Variants in PSG11 observed in about 807,000 individuals in gnomAD.
PSG11 encodes the protein pregnancy specific beta-1-glycoprotein 11, also known as pregnancy-specific beta-1-glycoprotein 11.
In PSG11, 42 loss-of-function variants were observed where a neutral mutation model predicts 36.0. The ratio of observed to expected loss-of-function variants is 1.17; its 90% CI spans 0.91 to 1.51. PSG11 has a LOEUF of 1.51. Among genes scored for constraint, PSG11 ranks in the 40% most tolerant of loss-of-function variants. PSG11 has a pLI of 0.00. For missense variants in PSG11, 558 were observed against 403.5 expected (o/e 1.38, Z -3.28); for synonymous variants, 206 against 153.5 (o/e 1.34, Z -2.53).
rs771032810 is a variant in PSG11 at position 43,024,932 on chromosome 19, A to G, written c.189T>C (p.Thr63=). The part of the protein sequence containing the change: ...LLVHNLPQNL[T]GYIWYKGQIR... ...TTTGCCCTTTGTACCAGATGTAGCC[A>G]GTAAGATTCTGGGGCAAATTGTGGA... The change falls in exon 2 of 6, where the codon ACT becomes ACC. Residue 63 remains threonine, a synonymous_variant. Transcript: ENST00000320078. 29 of 1,611,610 alleles carry G rather than the reference A, an allele frequency of 1.8e-5. 1 individual carries two copies. The highest frequency in any genetic ancestry group is 1.4e-5 in the Non-Finnish European group (17 of 1,179,068).
chr19:43,008,558 G>A (rs879470667), intron 5 of PSG11, among the ~76,000 whole-genome samples: 5 of 151,294 alleles, frequency 3.3e-5, no homozygotes, highest in Non-Finnish European at 5.9e-5. Context: ...TTACAGGCAT[G>A]AGCCATCGCA....
At chr19:43,009,743 G>T (rs965501106) in intron 5 of PSG11, among the ~76,000 whole-genome samples, 1 of 151,312 alleles carries the variant, frequency 6.6e-6, no homozygotes, top group Non-Finnish European at 1.5e-5. Flanking sequence ...AAACAAATGA[G>T]CAGAGGCTGG....
chr19:43,011,046 G>T (rs956472073), intron 4 of PSG11, among the ~76,000 whole-genome samples: 3 of 150,982 alleles, frequency 2.0e-5, no homozygotes, highest in East Asian at 1.9e-4. Flanking sequence ...CCAATGAAAA[G>T]ACAGAAGCTT....
At chr19:43,018,517 G>T (rs2047785320) in intron 3 of PSG11, 2 of 869,246 alleles carry the variant, frequency 2.3e-6, no homozygotes, top group Middle Eastern at 3.6e-4. Flanking sequence ...TCTGGAGCCT[G>T]AGACATTCAC....
chr19:43,011,373 A>G (rs1228721363), intron 4 of PSG11, among the ~76,000 whole-genome samples: 3 of 151,310 alleles, frequency 2.0e-5, no homozygotes, highest in African/African-American at 4.9e-5. Context: ...ACCTACTTTA[A>G]CACTTCAGGA....
At chr19:43,016,410 T>C (rs1462215299) in intron 3 of PSG11, among the ~76,000 whole-genome samples, 1 of 151,142 alleles carries the variant, frequency 6.6e-6, no homozygotes, top group African/African-American at 2.4e-5. Flanking sequence ...CTGGGCCCCT[T>C]CCAAATTCCA....
chr19:43,016,119 T>C (rs1445523215), intron 3 of PSG11: 3 of 1,536,756 alleles, frequency 2.0e-6, no homozygotes, highest in African/African-American at 2.8e-5. Context: ...TCAATCAGAG[T>C]TGGCATCTCC....
At chr19:43,026,174 C>G in intron 1 of PSG11, 135 bp downstream of exon 1, 1 of 1,368,840 alleles carries the variant, frequency 7.3e-7, no homozygotes, top group East Asian at 2.5e-5. Context: ...AACTCCTGAT[C>G]TCGTGATCCA....
At chr19:43,015,441 G>C (rs191466923) in intron 3 of PSG11, 71 bp from the exon 4 acceptor site, 2 of 1,514,518 alleles carry the variant, frequency 1.3e-6, no homozygotes, top group Non-Finnish European at 1.8e-6. Context: ...CTCTTAAAGG[G>C]ACACAGTGAC....
chr19:43,019,122 T>C, intron 2 of PSG11, 74 bp from the exon 3 acceptor site: 5 of 1,567,132 alleles, frequency 3.2e-6, no homozygotes, highest in Non-Finnish European at 4.3e-6. Context: ...TCAATCAGAA[T>C]TGGCATTTGC....
chr19:43,021,503 C>T (rs1172904854), intron 2 of PSG11, among the ~76,000 whole-genome samples: 1 of 151,286 alleles, frequency 6.6e-6, no homozygotes. Flanking sequence ...AGGTGCCCAC[C>T]ACCATGCCCA....
intron 2 of PSG11, among the ~76,000 whole-genome samples, chr19:43,023,242 C>T (rs1005299212): frequency 6.7e-5 from 10 of 150,310 alleles, no homozygotes; most frequent in African/African-American, 2.5e-4. Flanking sequence ...GCTAGAACCT[C>T]CTAGGATTCT....
At chr19:43,011,652 C>A (rs1427535226) in intron 4 of PSG11, among the ~76,000 whole-genome samples, 3 of 151,124 alleles carry the variant, frequency 2.0e-5, no homozygotes, top group Non-Finnish European at 4.4e-5. Context: ...TTTGGGAGGT[C>A]ACAGCAGAAG....
intron 5 of PSG11, among the ~76,000 whole-genome samples, chr19:43,008,348 C>A (rs1973982204): frequency 6.6e-6 from 1 of 151,286 alleles, no homozygotes. Flanking sequence ...TCTCAGTTCA[C>A]TGCAAGCTCT....
rs571085180 is a variant in PSG11 at position 43,025,884 on chromosome 19, C to T, written c.64+425G>A. 4.1e-5 allele frequency among the ~76,000 whole-genome samples: 6 copies of T among 148,012 alleles called. No individual in the cohort carries two copies. In the South Asian group the frequency reaches 1.3e-3, roughly 32 times the overall value. The stretch of plus-strand genomic sequence containing the variant: ...CCCCTGTCCCTCTTGGGTGTATTTT[C>T]CCCTATCCAGGCATCAACAGGGCCT... On this transcript the variant is annotated intron_variant, in intron 1 of 5. Coordinates refer to ENST00000320078, the MANE Select transcript of PSG11 (RefSeq NM_002785.3).
intron 4 of PSG11, 80 bp from the exon 5 acceptor site, chr19:43,010,121 A>C (rs1048271243): frequency 4.5e-6 from 7 of 1,541,630 alleles, no homozygotes; most frequent in Non-Finnish European, 6.2e-6. Context: ...AGCATGTAAC[A>C]TGAGATACTG....
At position 43,020,374 on chromosome 19, in the gene PSG11, A is replaced by G. The variant is rs180829396; in HGVS notation, c.431-1326T>C. ...CATCACATCAGTGGTCAGAAGTGTA[A>G]AGTTTTGGAGCATTTCAGATTGTGG... On this transcript the variant is annotated intron_variant, in intron 2 of 5. Coordinates refer to ENST00000320078, the MANE Select transcript of PSG11 (RefSeq NM_002785.3). Among the ~76,000 whole-genome samples, 209 of 151,410 alleles carry G rather than the reference A, an allele frequency of 1.4e-3. 5 individuals carry two copies. The highest frequency in any genetic ancestry group is 4.8e-3 in the African/African-American group (198 of 41,096).
In PSG11 at chr19:43,015,279, T is replaced by A. The variant is rs773767591; in HGVS notation, c.801A>T (p.Pro267=). 2 of 1,611,188 alleles carry A rather than the reference T, an allele frequency of 1.2e-6. No individual in the cohort carries two copies. Among genetic ancestry groups the A allele is most frequent in the African/African-American group, 1.3e-5 (1 of 74,460 alleles). ...TAATTGTCCAAGAATACTGTGCTGGTGGGTTAGAGTTTGCGAAGCAGGACA... is the reference window on the plus strand; with the variant it reads ...TAATTGTCCAAGAATACTGTGCTGGAGGGTTAGAGTTTGCGAAGCAGGACA... ...LDLSCFANSN[P]PAQYSWTING... The change falls in exon 4 of 6, where the codon CCA becomes CCT. Residue 267 remains proline (P), a synonymous_variant. Transcript: ENST00000320078.
intron 4 of PSG11, chr19:43,014,146 A>C (rs1238172942): frequency 1.1e-5 from 2 of 177,908 alleles, no homozygotes; most frequent in Non-Finnish European, 2.2e-5. Flanking sequence ...TATTGGGTAC[A>C]GAGGTTTAAT....
Sources: gnomAD v4.1 joint callset for allele counts (sites outside exome capture counted in the v4.1 genomes callset) on GRCh38, gnomAD v4.1.1 for gene constraint, MANE v1.5 for transcripts, NCBI Gene and HGNC (gene_info 2026-07-23, HGNC 2026-07-21) for gene names.